Variants in PMM2 observed in about 807,000 individuals in gnomAD.
The protein encoded by PMM2 is mannose-6-phosphate isomerase.
A neutral mutation model predicts 33.2 loss-of-function variants in PMM2; 35 were observed. The ratio of observed to expected loss-of-function variants is 1.06; its 90% CI spans 0.81 to 1.40. PMM2 has a LOEUF of 1.40. PMM2 is among the 40% of genes most tolerant of loss of function. PMM2 has a pLI of 0.00. For synonymous variants in PMM2, 153 were observed against 114.7 expected (o/e 1.33, Z -2.13); for missense variants, 386 against 306.0 (o/e 1.26, Z -1.95).
At chr16:8,804,031 G>GTTTTTTTTTTTTTTTTTTTTT (rs752484926) in intron 2 of PMM2, among the ~76,000 whole-genome samples, 17 of 87,484 alleles carry the variant, frequency 1.9e-4, no homozygotes, top group African/African-American at 4.1e-4. Context: ...GGTTTTTTTT[G>GTTTTTTTTTTTTTTTTTTTTT]TTTTTTTTTT....
chr16:8,836,791 A>T (rs888468004), intron 7 of PMM2, among the ~76,000 whole-genome samples: 15 of 152,092 alleles, frequency 9.9e-5, no homozygotes, highest in Non-Finnish European at 2.1e-4. Context: ...GGTTGCTGCC[A>T]AACGAGCCAT....
At chr16:8,838,637 GTGA>G (rs2060868425) in intron 7 of PMM2, among the ~76,000 whole-genome samples, 1 of 151,966 alleles carries the variant, frequency 6.6e-6, no homozygotes, top group Admixed American at 6.6e-5. Flanking sequence ...AGAATGATTG[GTGA>G]TGGTCTGGAT....
At chr16:8,806,216 T>C in intron 3 of PMM2, 100 bp from the exon 4 acceptor site, 2 of 782,246 alleles carry the variant, frequency 2.6e-6, no homozygotes, top group Admixed American at 3.5e-5. Flanking sequence ...ATCAGCCTAC[T>C]GATTTTCAGC....
chr16:8,845,409 G>T (rs900056256), intron 7 of PMM2, among the ~76,000 whole-genome samples: 52 of 152,162 alleles, frequency 3.4e-4, no homozygotes, highest in Admixed American at 9.8e-4. Context: ...ATGTACACGT[G>T]TAAGTCATAG....
At position 8,849,089 on chromosome 16, in the gene PMM2, A is replaced by G. The variant is rs1011667862; in HGVS notation, c.*1264A>G. On this transcript the variant is annotated 3_prime_UTR_variant, in exon 8 of 8. Coordinates refer to ENST00000268261, the MANE Select transcript of PMM2 (RefSeq NM_000303.3). ...GCCAGGGGAGCCCAGGCTGCCCTGCACTCCTGCCTCCCAGCCCACAGCCAG... is the reference window on the plus strand; with the variant it reads ...GCCAGGGGAGCCCAGGCTGCCCTGCGCTCCTGCCTCCCAGCCCACAGCCAG... 8.6e-5 allele frequency: 13 copies of G among 151,904 alleles called. No individual in the cohort carries two copies. Among genetic ancestry groups the G allele is most frequent in the African/African-American group, 3.1e-4 (13 of 41,310 alleles). The allele number at this position is 151,904 out of a possible 1,614,324, so 9.4% of individuals were successfully genotyped here.
In PMM2 at chr16:8,845,037, G is replaced by A. The variant is rs552594044; in HGVS notation, c.640-2687G>A. ...AGTCACGGCACCAAATTTCATGCGCGTCCATGTGAAGAGACCACCAAACAG... is the reference window on the plus strand; with the variant it reads ...AGTCACGGCACCAAATTTCATGCGCATCCATGTGAAGAGACCACCAAACAG... On this transcript the variant is annotated intron_variant, in intron 7 of 7. Coordinates refer to ENST00000268261, the MANE Select transcript of PMM2 (RefSeq NM_000303.3). Among the ~76,000 whole-genome samples, 5 of 152,342 alleles carry A rather than the reference G, an allele frequency of 3.3e-5. 1 individual carries two copies. The East Asian group carries it at 5.8e-4, about 18-fold the overall frequency.
intron 7 of PMM2, among the ~76,000 whole-genome samples, chr16:8,839,320 A>C (rs1596504241): frequency 6.6e-6 from 1 of 151,988 alleles, no homozygotes; most frequent in Admixed American, 6.6e-5. Flanking sequence ...GTGCGAGGCA[A>C]AACTGGAGAT....
chr16:8,846,596 C>T (rs537248196), intron 7 of PMM2, among the ~76,000 whole-genome samples: 42 of 152,266 alleles, frequency 2.8e-4, no homozygotes, highest in African/African-American at 9.6e-4. Context: ...AGGACCCCAG[C>T]AGAACATGCC....
At chr16:8,814,582 C>G (rs2060695613) in intron 7 of PMM2, among the ~76,000 whole-genome samples, 1 of 152,166 alleles carries the variant, frequency 6.6e-6, no homozygotes, top group Admixed American at 6.5e-5. Context: ...AGGCTTGTTA[C>G]TTATTTTCAG....
At chr16:8,840,281 G>A (rs1040572284) in intron 7 of PMM2, among the ~76,000 whole-genome samples, 2 of 151,964 alleles carry the variant, frequency 1.3e-5, no homozygotes, top group Admixed American at 6.6e-5. Flanking sequence ...GGAAATATTG[G>A]AGGGTGCCTT....
At chr16:8,819,919 C>T (rs1331689443) in intron 7 of PMM2, among the ~76,000 whole-genome samples, 5 of 152,186 alleles carry the variant, frequency 3.3e-5, no homozygotes, top group Admixed American at 3.3e-4. Flanking sequence ...AAAGCCTCGC[C>T]TCTGTCATTC....
At chr16:8,814,009 G>A (rs868289199) in intron 7 of PMM2, among the ~76,000 whole-genome samples, 14 of 151,828 alleles carry the variant, frequency 9.2e-5, no homozygotes, top group African/African-American at 2.4e-4. Flanking sequence ...TGATATTACG[G>A]GCATGCACCA....
At chr16:8,840,121 G>C (rs902110591) in intron 7 of PMM2, among the ~76,000 whole-genome samples, 10 of 151,820 alleles carry the variant, frequency 6.6e-5, no homozygotes, top group Non-Finnish European at 1.2e-4. Flanking sequence ...GCCAGCAGTT[G>C]TTCACTAAGG....
intron 4 of PMM2, chr16:8,808,849 A>G (rs1051293954): frequency 6.6e-6 from 1 of 152,044 alleles, no homozygotes; most frequent in Non-Finnish European, 1.5e-5. Flanking sequence ...GCCTCTGCCA[A>G]CTCCGGGACG....
At chr16:8,804,648 A>AG (rs2060636202) in intron 2 of PMM2, 119 bp from the exon 3 acceptor site, 1 of 732,488 alleles carries the variant, frequency 1.4e-6, no homozygotes, top group Non-Finnish European at 2.5e-6. Flanking sequence ...AAGATGAGAT[A>AG]GTCTTTCACA....
chr16:8,842,349 AAAG>A (rs1268887623), intron 7 of PMM2: 2 of 152,278 alleles, frequency 1.3e-5, no homozygotes, highest in South Asian at 2.1e-4. Context: ...GAGGGGCTAC[AAAG>A]AAGAAGGTCA....
chr16:8,828,025 C>CTTTTTTT (rs71153002), intron 7 of PMM2, among the ~76,000 whole-genome samples: 4 of 66,620 alleles, frequency 6.0e-5, no homozygotes, highest in Non-Finnish European at 7.9e-5. Context: ...CTGTAGAACT[C>CTTTTTTT]TTTTTTTTTT....
intron 7 of PMM2, chr16:8,832,421 A>AC: frequency 2.0e-6 from 2 of 985,338 alleles, no homozygotes; most frequent in Non-Finnish European, 2.4e-6. Context: ...TTACATGCAC[A>AC]CAGATCACTC....
chr16:8,803,615 G>A (rs1363290554), intron 2 of PMM2, among the ~76,000 whole-genome samples: 1 of 152,152 alleles, frequency 6.6e-6, no homozygotes, highest in Non-Finnish European at 1.5e-5. Context: ...CCTTCATTAA[G>A]GTTGACAACA....
Sources: gnomAD v4.1 joint callset for allele counts (sites outside exome capture counted in the v4.1 genomes callset) on GRCh38, gnomAD v4.1.1 for gene constraint, MANE v1.5 for transcripts, NCBI Gene and HGNC (gene_info 2026-07-23, HGNC 2026-07-21) for gene names.